The following SLC25A24 variants were observed in gnomAD, a reference collection of about 807,000 sequenced individuals.
The protein encoded by SLC25A24 is mitochondrial adenyl nucleotide antiporter SLC25A24.
In SLC25A24, 49 loss-of-function variants were observed where a neutral mutation model predicts 60.7. The observed-to-expected ratio is 0.81, with a 90% CI of 0.64 to 1.02. The LOEUF is 1.02. SLC25A24 is among the 50% of genes least tolerant of loss of function. The pLI, the probability that SLC25A24 is intolerant of heterozygous loss-of-function variation, is 0.00. For synonymous variants in SLC25A24, 202 were observed against 200.6 expected, an observed-to-expected ratio of 1.01 and a Z score of -0.06; for missense variants, 564 against 586.3, an observed-to-expected ratio of 0.96 and a Z score of 0.39.
At chr1:108,146,458 T>C (rs1679596844) in intron 7 of SLC25A24, among the ~76,000 whole-genome samples, 1 of 152,236 alleles carries the variant, frequency 6.6e-6, no homozygotes, top group Admixed American at 6.5e-5. Flanking sequence ...CTACGTTGAA[T>C]AGGAGTGCTG....
intron 7 of SLC25A24, among the ~76,000 whole-genome samples, chr1:108,145,168 C>T (rs143296125): frequency 1.3e-5 from 2 of 152,180 alleles, no homozygotes; most frequent in Admixed American, 1.3e-4. Context: ...CTCTAACAAC[C>T]AGGGATGATG....
chr1:108,178,016 A>C (rs1647751482), intron 3 of SLC25A24, among the ~76,000 whole-genome samples: 1 of 152,026 alleles, frequency 6.6e-6, no homozygotes, highest in African/African-American at 2.4e-5. Context: ...TACAAAAATT[A>C]GCTGGGCGTG....
At position 108,185,820 on chromosome 1, in the gene SLC25A24, A is replaced by T; in HGVS notation, c.310+8T>A. On this transcript the variant is annotated splice_region_variant and intron_variant, in intron 2 of 9. Transcript: ENST00000565488. ...ATAGCTGGTGATAAATACAAAAGAA[A>T]GACACACCATCATTATTTTTGTCTA... is the stretch of plus-strand genomic sequence containing the variant. The T allele has an allele frequency of 6.3e-7, 1 of 1,582,220 alleles. No individual in the cohort carries two copies. Among genetic ancestry groups the T allele is most frequent in the Non-Finnish European group, 8.6e-7 (1 of 1,157,822 alleles).
At chr1:108,185,079 C>G (rs1571307366) in intron 2 of SLC25A24, among the ~76,000 whole-genome samples, 1 of 152,264 alleles carries the variant, frequency 6.6e-6, no homozygotes, top group Non-Finnish European at 1.5e-5. Flanking sequence ...GAAGAGAGAT[C>G]TGAGGTAGTG....
chr1:108,169,299 CTT>C (rs918297189), intron 3 of SLC25A24, among the ~76,000 whole-genome samples: 3 of 152,004 alleles, frequency 2.0e-5, no homozygotes, highest in Admixed American at 6.6e-5. Flanking sequence ...GGCCTTTGCT[CTT>C]TGATATAAAT....
chr1:108,152,575 T>C (rs898882760), intron 6 of SLC25A24, among the ~76,000 whole-genome samples: 1 of 152,192 alleles, frequency 6.6e-6, no homozygotes, highest in African/African-American at 2.4e-5. Flanking sequence ...CAGGCTGGTC[T>C]TGAACTCCTG....
chr1:108,141,648 G>C (rs992897519), intron 8 of SLC25A24, among the ~76,000 whole-genome samples: 3 of 151,984 alleles, frequency 2.0e-5, no homozygotes, highest in African/African-American at 7.3e-5. Context: ...AAGAAAATGT[G>C]ATATATATAC....
At chr1:108,140,557 G>T (rs2101596962) in intron 8 of SLC25A24, among the ~76,000 whole-genome samples, 1 of 151,942 alleles carries the variant, frequency 6.6e-6, no homozygotes, top group Non-Finnish European at 1.5e-5. Context: ...AATTTAAACA[G>T]AATTTAAAGA....
At chr1:108,165,543 T>C (rs1366877982) in intron 3 of SLC25A24, among the ~76,000 whole-genome samples, 1 of 152,206 alleles carries the variant, frequency 6.6e-6, no homozygotes, top group African/African-American at 2.4e-5. Context: ...TTTACCATTA[T>C]GTAATGGCCT....
intron 8 of SLC25A24, among the ~76,000 whole-genome samples, 178 bp downstream of exon 8, chr1:108,143,365 T>C (rs989701353): frequency 2.0e-5 from 3 of 152,216 alleles, no homozygotes; most frequent in African/African-American, 7.2e-5. Context: ...GAAAATCTAA[T>C]ACAAAAGTGA....
chr1:108,170,743 A>C (rs1329909443), intron 3 of SLC25A24, among the ~76,000 whole-genome samples: 1 of 151,950 alleles, frequency 6.6e-6, no homozygotes, highest in Non-Finnish European at 1.5e-5. Context: ...TAACATAGCT[A>C]CCCCAGCTTT....
chr1:108,169,299 C>CT (rs918297189), intron 3 of SLC25A24, among the ~76,000 whole-genome samples: 1 of 152,004 alleles, frequency 6.6e-6, no homozygotes, highest in Non-Finnish European at 1.5e-5. Context: ...GGCCTTTGCT[C>CT]TTTGATATAA....
At chr1:108,165,143 C>T (rs1166147455) in intron 3 of SLC25A24, among the ~76,000 whole-genome samples, 1 of 151,226 alleles carries the variant, frequency 6.6e-6, no homozygotes, top group African/African-American at 2.4e-5. Context: ...TTTGATTGCA[C>T]TGTGGTCTGA....
chr1:108,186,586 A>G (rs202166856), intron 1 of SLC25A24, among the ~76,000 whole-genome samples: 1 of 152,126 alleles, frequency 6.6e-6, no homozygotes, highest in East Asian at 1.9e-4. Flanking sequence ...AGCCTAAACT[A>G]GTGTTTTCCC....
intron 3 of SLC25A24, among the ~76,000 whole-genome samples, chr1:108,177,066 T>C (rs1267577596): frequency 6.6e-6 from 1 of 152,158 alleles, no homozygotes. Flanking sequence ...ATTTAAGGGA[T>C]ACACAATATG....
intron 6 of SLC25A24, among the ~76,000 whole-genome samples, chr1:108,154,330 C>A (rs1166709096): frequency 6.6e-6 from 1 of 152,010 alleles, no homozygotes; most frequent in Non-Finnish European, 1.5e-5. Flanking sequence ...TGCTAATGAC[C>A]ATAAAGAGAA....
At position 108,154,860 on chromosome 1, in the gene SLC25A24, G is replaced by C. The variant is rs1167660904; in HGVS notation, c.822+123C>G. 4 of 658,488 alleles carry C rather than the reference G, an allele frequency of 6.1e-6. No individual in the cohort carries two copies. The African/African-American group carries it at 7.4e-5, about 12-fold the overall frequency. The allele number at this position is 658,488 out of a possible 1,614,324, so 40.8% of individuals were successfully genotyped here. ...TCTCCTATAAGTGATCCTCCTTATG[G>C]AGTATATGTGAAAGATTATCATGTA... On this transcript the variant is annotated intron_variant, in intron 6 of 9. Transcript: ENST00000565488.
intron 3 of SLC25A24, among the ~76,000 whole-genome samples, chr1:108,167,990 T>C (rs1465441165): frequency 6.6e-6 from 1 of 152,204 alleles, no homozygotes; most frequent in Non-Finnish European, 1.5e-5. Flanking sequence ...TTTTATTCCC[T>C]TCCTTGGGCC....
rs781747926 is a variant in SLC25A24, at chr1:108,139,072, C to A, written c.1235G>T (p.Arg412Leu). The change falls in exon 9 of 10, where the codon CGC (arginine) becomes CTC (leucine). Residue 412 changes from arginine (R) to leucine (L), a missense_variant. By Grantham distance (102) the Arg-to-Leu change is moderately radical. Transcript: ENST00000565488. ...ASYPLALVRTRMQAQAMLEGS... is the reference protein window; with the variant it reads ...ASYPLALVRTLMQAQAMLEGS... ...CAAAAATTCACCTTGAGCCTGCATGCGAGTTCTCACCAAAGCCAATGGGTA... is the reference window on the plus strand; with the variant it reads ...CAAAAATTCACCTTGAGCCTGCATGAGAGTTCTCACCAAAGCCAATGGGTA... 1 of 1,596,970 alleles carries A rather than the reference C, an allele frequency of 6.3e-7. No homozygotes were observed. Among genetic ancestry groups the A allele is most frequent in the East Asian group, 2.3e-5 (1 of 44,358 alleles).
Sources: allele counts gnomAD v4.1 joint callset (sites outside exome capture counted in the v4.1 genomes callset), GRCh38; gene constraint gnomAD v4.1.1; transcripts MANE v1.5; gene names NCBI Gene and HGNC (gene_info 2026-07-23, HGNC 2026-07-21).